Variants in ACSS2 observed in about 807,000 individuals in gnomAD.
The protein encoded by ACSS2 is acyl-CoA synthetase short chain family member 2.
Under a neutral mutation model 90.6 loss-of-function variants are expected in ACSS2, and 58 were observed. That is an observed-to-expected ratio of 0.64 (90% CI 0.52 to 0.80). ACSS2 has a LOEUF of 0.80. Ranked by LOEUF, ACSS2 falls within the 30% of genes least tolerant of loss-of-function variation. ACSS2 has a pLI of 0.00. For synonymous variants in ACSS2, 300 were observed against 330.9 expected (o/e 0.91, Z 1.01); for missense variants, 759 against 912.0 (o/e 0.83, Z 2.16).
chr20:34,886,356 T>C (rs1417717647), intron 2 of ACSS2, among the ~76,000 whole-genome samples: 2 of 152,116 alleles, frequency 1.3e-5, no homozygotes, highest in African/African-American at 4.8e-5. Context: ...CAGTGGCTTA[T>C]ACCTGTAATC....
At chr20:34,917,848 T>C (rs2081108545) in intron 7 of ACSS2, among the ~76,000 whole-genome samples, 1 of 152,044 alleles carries the variant, frequency 6.6e-6, no homozygotes, top group African/African-American at 2.4e-5. Context: ...TGCTTCCTGG[T>C]TTCAAGTGAT....
intron 2 of ACSS2, 41 bp downstream of exon 2, chr20:34,883,030 C>T: frequency 6.7e-7 from 1 of 1,490,768 alleles, no homozygotes; most frequent in East Asian, 2.3e-5. Context: ...GATAAAAACA[C>T]TCATTTGATA....
chr20:34,915,167 C>G (rs2081050924), intron 7 of ACSS2: 1 of 1,602,794 alleles, frequency 6.2e-7, no homozygotes, highest in Non-Finnish European at 8.5e-7. Flanking sequence ...CTCCCACTCC[C>G]TGTATACTTG....
intron 2 of ACSS2, among the ~76,000 whole-genome samples, chr20:34,899,375 C>G (rs186986664): frequency 9.9e-4 from 150 of 151,004 alleles, no homozygotes; most frequent in Middle Eastern, 3.4e-3. Flanking sequence ...TCAACGTTAT[C>G]ACATTTTTTT....
chr20:34,901,188 AG>A (rs993150695), intron 2 of ACSS2, among the ~76,000 whole-genome samples: 1 of 152,166 alleles, frequency 6.6e-6, no homozygotes, highest in Non-Finnish European at 1.5e-5. Flanking sequence ...TCTGTGCCAT[AG>A]GTTTCTCAAT....
chr20:34,905,262 G>GT (rs34401220), intron 2 of ACSS2, among the ~76,000 whole-genome samples: 3,258 of 138,986 alleles, frequency 0.023, 81 homozygotes, highest in African/African-American at 0.063. Flanking sequence ...AAATTCAGAA[G>GT]TTTTTTTTTT....
intron 2 of ACSS2, among the ~76,000 whole-genome samples, chr20:34,885,489 T>C (rs1186255843): frequency 6.6e-6 from 1 of 152,176 alleles, no homozygotes; most frequent in Admixed American, 6.5e-5. Context: ...ATCAGCATTT[T>C]CCAAAGAATG....
chr20:34,921,727 G>T lies in ACSS2; in HGVS notation c.1468-59G>T. 4 of 1,609,212 alleles carry T rather than the reference G, an allele frequency of 2.5e-6. No individual in the cohort carries two copies. In the Admixed American group the frequency reaches 6.7e-5, roughly 27 times the overall value. Reference sequence around the variant, plus strand: ...AATTTGGGGTTCTGGGGCCCCTTGGGAGTTGAGTCAGAGTTGCCTCATTCC... The same window carrying T: ...AATTTGGGGTTCTGGGGCCCCTTGGTAGTTGAGTCAGAGTTGCCTCATTCC... On this transcript the variant is annotated intron_variant, in intron 12 of 17. Transcript: ENST00000360596.
chr20:34,902,602 G>C (rs2080691149), intron 2 of ACSS2, among the ~76,000 whole-genome samples: 2 of 152,114 alleles, frequency 1.3e-5, no homozygotes, highest in African/African-American at 4.8e-5. Flanking sequence ...AGTTGGGGAG[G>C]ATACAAGGCA....
chr20:34,927,391 A>C lies in ACSS2; in HGVS notation c.*177A>C. 1 of 823,472 alleles carries C rather than the reference A, an allele frequency of 1.2e-6. No individual in the cohort carries two copies. The highest frequency in any genetic ancestry group is 1.9e-6 in the Non-Finnish European group (1 of 523,420). The allele number at this position is 823,472 out of a possible 1,614,324, so 51.0% of individuals were successfully genotyped here. On this transcript the variant is annotated 3_prime_UTR_variant, in exon 18 of 18. Transcript: ENST00000360596. This position sits in a 1 kb window ranked among gnomAD's most constrained non-coding sequence, Gnocchi z 4.2. ...AGACAACATCCTGTGACTGCCAGGC[A>C]GAAAGGACAGGGCCCAGGTCAGCCT... is the stretch of plus-strand genomic sequence containing the variant.
intron 7 of ACSS2, 112 bp downstream of exon 7, chr20:34,914,549 G>A: frequency 2.1e-6 from 2 of 972,278 alleles, no homozygotes; most frequent in Non-Finnish European, 3.0e-6. Context: ...GAGGATCCAG[G>A]AGCAATTCTA....
At chr20:34,920,340 T>C (rs1272069832) in intron 8 of ACSS2, among the ~76,000 whole-genome samples, 199 bp from the exon 9 acceptor site, 2 of 152,170 alleles carry the variant, frequency 1.3e-5, no homozygotes, top group African/African-American at 4.8e-5. Flanking sequence ...GATAGACATA[T>C]GTGTCATCAG....
intron 2 of ACSS2, among the ~76,000 whole-genome samples, chr20:34,890,477 AG>A (rs1374795411): frequency 6.6e-6 from 1 of 152,154 alleles, no homozygotes; most frequent in Non-Finnish European, 1.5e-5. Flanking sequence ...GAAGGGAGTT[AG>A]CTAGTTGAAG....
At chr20:34,907,125 G>GT (rs796340668) in intron 2 of ACSS2, among the ~76,000 whole-genome samples, 6,212 of 143,446 alleles carry the variant, frequency 0.043, 354 homozygotes, top group African/African-American at 0.13. Context: ...AACAGAATGT[G>GT]TTTTTTTTTT....
chr20:34,916,942 T>G (rs113397902), intron 7 of ACSS2, among the ~76,000 whole-genome samples: 12 of 152,330 alleles, frequency 7.9e-5, no homozygotes, highest in African/African-American at 2.6e-4. Context: ...GACCTTTTCC[T>G]GGTGCAGAGC....
chr20:34,913,970 C>T, intron 5 of ACSS2, 126 bp from the exon 6 acceptor site: 1 of 1,361,456 alleles, frequency 7.3e-7, no homozygotes, highest in Non-Finnish European at 1.0e-6. Flanking sequence ...AGCTGACCCT[C>T]TGTCAGCTCG....
chr20:34,877,532 AATCGGC>A (rs2079946279), intron 1 of ACSS2, among the ~76,000 whole-genome samples: 2 of 152,056 alleles, frequency 1.3e-5, no homozygotes, highest in Admixed American at 1.3e-4. Context: ...GTATGAGGAA[AATCGGC>A]CAGGAGCAGT....
chr20:34,919,808 G>T (rs2081157206), intron 8 of ACSS2, among the ~76,000 whole-genome samples: 1 of 152,024 alleles, frequency 6.6e-6, no homozygotes, highest in African/African-American at 2.4e-5. Flanking sequence ...CAGCTGACAT[G>T]GATGTTCTTT....
intron 2 of ACSS2, among the ~76,000 whole-genome samples, chr20:34,891,334 C>T (rs2080330744): frequency 1.3e-5 from 2 of 152,144 alleles, no homozygotes; most frequent in Admixed American, 6.5e-5. Context: ...TCCCTTTCAT[C>T]TCTAATCTTC....
Sources: gnomAD v4.1 joint callset for allele counts (sites outside exome capture counted in the v4.1 genomes callset) on GRCh38, gnomAD v4.1.1 for gene constraint, Gnocchi (gnomAD v3.1) non-coding constraint, MANE v1.5 for transcripts, NCBI Gene and HGNC (gene_info 2026-07-23, HGNC 2026-07-21) for gene names.